GRM7: variants seen among roughly 807,000 people sequenced by gnomAD.
GRM7 encodes the protein glutamate metabotropic receptor 7.
In GRM7, 35 loss-of-function variants were observed where a neutral mutation model predicts 84.5. The observed-to-expected ratio is 0.41, with a 90% CI of 0.32 to 0.55. The LOEUF (loss-of-function observed/expected upper bound fraction) is 0.55. Ranked by LOEUF, GRM7 falls within the 20% of genes least tolerant of loss-of-function variation. GRM7 has a pLI of 0.19. For missense variants in GRM7, 1,003 were observed against 1,194.6 expected (o/e 0.84, Z 2.36); for synonymous variants, 487 against 455.1 (o/e 1.07, Z -0.89).
intron 7 of GRM7, among the ~76,000 whole-genome samples, chr3:7,560,048 C>T (rs1005974986): frequency 6.6e-6 from 1 of 151,994 alleles, no homozygotes; most frequent in African/African-American, 2.4e-5. Flanking sequence ...AGGGATTTAA[C>T]CTTATGACTT....
intron 1 of GRM7, among the ~76,000 whole-genome samples, chr3:7,102,381 G>A (rs1699141433): frequency 6.6e-6 from 1 of 151,754 alleles, no homozygotes; most frequent in Non-Finnish European, 1.5e-5. Flanking sequence ...CTTCTGAAGA[G>A]AAGTCAGTGT....
At chr3:7,298,990 G>A (rs1458823521) in intron 3 of GRM7, among the ~76,000 whole-genome samples, 165 bp downstream of exon 3, 1 of 152,044 alleles carries the variant, frequency 6.6e-6, no homozygotes, top group East Asian at 1.9e-4. Flanking sequence ...GTGGTAGCAT[G>A]TTATGGTCAC....
At chr3:6,891,061 C>A (rs1695918630) in intron 1 of GRM7, among the ~76,000 whole-genome samples, 1 of 152,038 alleles carries the variant, frequency 6.6e-6, no homozygotes, top group Non-Finnish European at 1.5e-5. Context: ...CAACCCCTGC[C>A]ATTTTTTGTT....
At chr3:7,635,607 A>C (rs1374426052) in intron 8 of GRM7, among the ~76,000 whole-genome samples, 3 of 152,166 alleles carry the variant, frequency 2.0e-5, no homozygotes, top group African/African-American at 7.2e-5. Context: ...TGTTCCACTG[A>C]TCTGAGGCCC....
intron 8 of GRM7, among the ~76,000 whole-genome samples, chr3:7,619,541 G>A (rs991107561): frequency 2.0e-5 from 3 of 152,040 alleles, no homozygotes; most frequent in Admixed American, 2.0e-4. Context: ...CGAACAAAAT[G>A]CAAACTTTAG....
At chr3:7,718,986 A>G (rs1046710630) in intron 9 of GRM7, among the ~76,000 whole-genome samples, 7 of 152,208 alleles carry the variant, frequency 4.6e-5, no homozygotes, top group African/African-American at 1.7e-4. Flanking sequence ...GGTATGATTC[A>G]TATTGGAGAT....
At chr3:7,589,320 G>A (rs1415577470) in intron 8 of GRM7, among the ~76,000 whole-genome samples, 2 of 152,218 alleles carry the variant, frequency 1.3e-5, no homozygotes, top group Non-Finnish European at 2.9e-5. Context: ...TGTTTCTACT[G>A]CCATAAACTG....
rs959059612 is a variant in GRM7, at chr3:7,589,178, A to G, written c.2451+9821A>G. On this transcript the variant is annotated intron_variant, in intron 8 of 9. Coordinates refer to ENST00000357716, the MANE Select transcript of GRM7 (RefSeq NM_000844.4). ...TGGTGTTACACCAAATGCCAGATGA[A>G]TGGAGCCCTTGGTTTTAACCCAGCA... is the stretch of plus-strand genomic sequence containing the variant. Among the ~76,000 whole-genome samples, 3 of 152,210 alleles carry G rather than the reference A, an allele frequency of 2.0e-5. No individual in the cohort carries two copies. The East Asian group carries it at 5.8e-4, about 29-fold the overall frequency.
Position 7,386,871 on chromosome 3 carries a change from T to C in GRM7, c.1034-28152T>C, listed in dbSNP as rs563260363. Among the ~76,000 whole-genome samples the C allele has an allele frequency of 1.3e-3, 205 of 152,312 alleles. 4 individuals are homozygous for C. Among genetic ancestry groups the C allele is most frequent in the South Asian group, 7.2e-3 (35 of 4,828 alleles). ...TACTTTCCACAGTGGCTGAGCTAAT[T>C]TACATTCTCACCAATGGTGCGTAAG... On this transcript the variant is annotated intron_variant, in intron 4 of 9. Coordinates refer to ENST00000357716, the MANE Select transcript of GRM7 (RefSeq NM_000844.4).
At chr3:6,892,021 G>C (rs112623928) in intron 1 of GRM7, among the ~76,000 whole-genome samples, 15,333 of 152,066 alleles carry the variant, frequency 0.1, 1,326 homozygotes, top group African/African-American at 0.22. Context: ...CCAGTTGGTT[G>C]CATCGGCTCC....
intron 1 of GRM7, among the ~76,000 whole-genome samples, chr3:7,140,960 G>T (rs568288690): frequency 6.6e-6 from 1 of 151,908 alleles, no homozygotes; most frequent in Non-Finnish European, 1.5e-5. Flanking sequence ...TGTCCTACAA[G>T]TTCTAGCTAA....
chr3:7,298,625 G>C, intron 2 of GRM7, 59 bp from the exon 3 acceptor site: 1 of 1,450,362 alleles, frequency 6.9e-7, no homozygotes, highest in Non-Finnish European at 9.6e-7. Context: ...TACCTTCCTT[G>C]GCTCCTTTGA....
intron 1 of GRM7, among the ~76,000 whole-genome samples, chr3:6,942,415 G>A (rs1697924911): frequency 6.6e-6 from 1 of 152,032 alleles, no homozygotes; most frequent in African/African-American, 2.4e-5. Flanking sequence ...ACTTCCTCCT[G>A]TGTCTTCTTT....
chr3:7,189,512 C>A (rs1695635711), intron 2 of GRM7, among the ~76,000 whole-genome samples: 1 of 152,182 alleles, frequency 6.6e-6, no homozygotes. Flanking sequence ...CTGTCAACTA[C>A]AGCTGCTGTT....
chr3:7,597,811 AAG>A (rs1425180660), intron 8 of GRM7, among the ~76,000 whole-genome samples: 1 of 152,188 alleles, frequency 6.6e-6, no homozygotes, highest in Non-Finnish European at 1.5e-5. Context: ...GGCAGATACC[AAG>A]AATGCAAGAA....
chr3:7,323,949 A>G (rs1215189972), intron 4 of GRM7, among the ~76,000 whole-genome samples: 1 of 152,178 alleles, frequency 6.6e-6, no homozygotes, highest in Non-Finnish European at 1.5e-5. Context: ...CAAGCTAGTA[A>G]GATCATGGAT....
intron 4 of GRM7, among the ~76,000 whole-genome samples, chr3:7,338,962 C>A (rs188116395): frequency 1.5e-4 from 23 of 151,908 alleles, no homozygotes; most frequent in African/African-American, 5.3e-4. Flanking sequence ...ATACTCCTAC[C>A]TGGCATCAGC....
intron 1 of GRM7, among the ~76,000 whole-genome samples, chr3:6,959,277 C>T (rs1035669375): frequency 2.6e-5 from 4 of 152,086 alleles, no homozygotes; most frequent in African/African-American, 9.7e-5. Flanking sequence ...AGCCTGCCTA[C>T]TCTAAGTAAT....
At chr3:7,629,954 T>G (rs1039843162) in intron 8 of GRM7, among the ~76,000 whole-genome samples, 28 of 152,318 alleles carry the variant, frequency 1.8e-4, no homozygotes, top group African/African-American at 6.5e-4. Flanking sequence ...CTTTCATATT[T>G]TGTAACACAT....
Sources: allele counts gnomAD v4.1 joint callset (sites outside exome capture counted in the v4.1 genomes callset), GRCh38; gene constraint gnomAD v4.1.1; transcripts MANE v1.5; gene names NCBI Gene and HGNC (gene_info 2026-07-23, HGNC 2026-07-21).